ABCA5: variants seen among roughly 807,000 people sequenced by gnomAD.
ABCA5 encodes the protein cholesterol transporter ABCA5.
In ABCA5, 163 loss-of-function variants were observed where a neutral mutation model predicts 206.0. That is an observed-to-expected ratio of 0.79 (90% CI 0.70 to 0.90). ABCA5 has a LOEUF of 0.90. Ranked by LOEUF, ABCA5 falls within the 40% of genes least tolerant of loss-of-function variation. The probability of loss-of-function intolerance (pLI) is 0.00; values close to 1 mark genes in which losing one functional copy is unlikely to be tolerated. For synonymous variants in ABCA5, 609 were observed against 613.8 expected, an observed-to-expected ratio of 0.99 and a Z score of 0.11; for missense variants, 1,859 against 1,912.9, an observed-to-expected ratio of 0.97 and a Z score of 0.53.
intron 28 of ABCA5, among the ~76,000 whole-genome samples, chr17:69,258,283 A>G (rs1001083830): frequency 2.0e-5 from 3 of 152,194 alleles, no homozygotes; most frequent in Non-Finnish European, 4.4e-5. Context: ...GAGTCCATCA[A>G]CAGTTGACTG....
Position 69,323,924 on chromosome 17 carries a change from T to C in ABCA5, c.-16+3128A>G, listed in dbSNP as rs370325516. 5.3e-5 allele frequency among the ~76,000 whole-genome samples: 8 copies of C among 152,346 alleles called. No homozygotes were observed. The East Asian group carries it at 1.5e-3, about 29-fold the overall frequency. The stretch of plus-strand genomic sequence containing the variant: ...TATCTTGTGACATGCAAAAATTATA[T>C]GAAATTCAAATTTCAGTGTCTATAA... On this transcript the variant is annotated intron_variant, in intron 1 of 38. Coordinates refer to ENST00000392676, the MANE Select transcript of ABCA5 (RefSeq NM_172232.4).
chr17:69,305,938 T>C (rs1437591811), intron 6 of ABCA5, among the ~76,000 whole-genome samples: 4 of 152,168 alleles, frequency 2.6e-5, no homozygotes, highest in Non-Finnish European at 5.9e-5. Flanking sequence ...AGGAAATATG[T>C]TATATACAAT....
chr17:69,253,440 T>G (rs2075038864), intron 34 of ABCA5, 133 bp downstream of exon 34: 1 of 510,716 alleles, frequency 2.0e-6, no homozygotes, highest in African/African-American at 1.9e-5. Flanking sequence ...TCTATTTAAT[T>G]TTTAATTACT....
In ABCA5 at chr17:69,255,557, G is replaced by T. The variant is rs775844258; in HGVS notation, c.4054C>A (p.Pro1352Thr). ...IINILVGDIE[P>T]TSGQVFLGDY... is the part of the protein sequence containing the mutation. ...ATATATCATACCTGGCCTGAAGTTG[G>T]TTCAATATCACCAACCAGAATATTA... Residue 1352 changes from proline to threonine, a missense_variant, in exon 31 of 39, where the codon CCA becomes ACA. Transcript: ENST00000392676. 2 of 1,567,090 alleles carry T rather than the reference G, an allele frequency of 1.3e-6. No individual in the cohort carries two copies. Among genetic ancestry groups the T allele is most frequent in the South Asian group, 2.5e-5 (2 of 81,574 alleles).
At chr17:69,255,314 C>G (rs1052010920) in intron 31 of ABCA5, among the ~76,000 whole-genome samples, 34 of 152,098 alleles carry the variant, frequency 2.2e-4, no homozygotes, top group African/African-American at 8.2e-4. Context: ...GTAAGCATTA[C>G]AAAAGCAGAA....
intron 31 of ABCA5, 85 bp downstream of exon 31, chr17:69,255,458 T>C (rs1215157428): frequency 1.2e-6 from 1 of 847,222 alleles, no homozygotes; most frequent in Non-Finnish European, 1.7e-6. Context: ...AAATTGAATA[T>C]AAAATCCGAA....
chr17:69,277,370 G>GAC (rs1390956637), intron 19 of ABCA5, among the ~76,000 whole-genome samples: 3 of 152,048 alleles, frequency 2.0e-5, no homozygotes, highest in African/African-American at 7.2e-5. Flanking sequence ...AAGATACAAT[G>GAC]ACAGTAATTA....
At chr17:69,292,257 C>G (rs182021100) in intron 11 of ABCA5, among the ~76,000 whole-genome samples, 1 of 152,252 alleles carries the variant, frequency 6.6e-6, no homozygotes, top group South Asian at 2.1e-4. Flanking sequence ...GCCCCATGAA[C>G]GTGGTATTTC....
intron 27 of ABCA5, among the ~76,000 whole-genome samples, chr17:69,260,024 T>G (rs2075129075): frequency 6.6e-6 from 1 of 151,936 alleles, no homozygotes; most frequent in Admixed American, 6.6e-5. Context: ...ATTTTCTGCC[T>G]CTGTATCATT....
At chr17:69,311,612 C>T (rs2075770884) in intron 3 of ABCA5, among the ~76,000 whole-genome samples, 2 of 152,124 alleles carry the variant, frequency 1.3e-5, no homozygotes. Context: ...GCCTCAACCT[C>T]CCAAGTAGCT....
intron 24 of ABCA5, 101 bp from the exon 25 acceptor site, chr17:69,261,849 C>A: frequency 2.1e-6 from 1 of 468,758 alleles, no homozygotes; most frequent in Non-Finnish European, 3.7e-6. Context: ...TAATATAATC[C>A]TAAATAAATC....
At position 69,309,398 on chromosome 17, in the gene ABCA5, A is replaced by G; in HGVS notation, c.333T>C (p.Asn111=). 6.3e-7 allele frequency: 1 copy of G among 1,583,452 alleles called. No individual in the cohort carries two copies. The highest frequency in any genetic ancestry group is 8.6e-7 in the Non-Finnish European group (1 of 1,169,554). The change falls in exon 4 of 39, where the codon AAT becomes AAC. Residue 111 remains asparagine (N), a synonymous_variant. Transcript: ENST00000392676. ...PDVIITEEYT[N]EKEMLTSSLS... is the part of the protein sequence containing the mutation. ...GACTGGATGTTAACATTTCTTTTTC[A>G]TTTGTATATTCTTCAGTAATTATGA...
chr17:69,286,066 G>T, intron 16 of ABCA5, 29 bp from the exon 17 acceptor site: 2 of 1,594,052 alleles, frequency 1.3e-6, no homozygotes, highest in South Asian at 2.3e-5. Flanking sequence ...CACAATTAAT[G>T]ATTATACAAT....
rs1208250882 is a variant in ABCA5, at chr17:69,255,287, AC to A, written c.4068+255del. Among the ~76,000 whole-genome samples the A allele has an allele frequency of 2.0e-5, 3 of 152,302 alleles. No individual in the cohort carries two copies. In the East Asian group the frequency reaches 5.8e-4, roughly 29 times the overall value. On this transcript the variant is annotated intron_variant, in intron 31 of 38. Transcript: ENST00000392676. ...AAACTGTCTTCCATTAAGTTGGTAG[AC>A]AAATAACTCACGCATGTAAGCATTA... is the stretch of plus-strand genomic sequence containing the variant.
In ABCA5 at chr17:69,248,273, T is replaced by C; in HGVS notation, c.4810A>G (p.Thr1604Ala). 4 of 1,557,292 alleles carry C rather than the reference T, an allele frequency of 2.6e-6. No individual in the cohort carries two copies. Among genetic ancestry groups the C allele is most frequent in the South Asian group, 1.2e-5 (1 of 86,218 alleles). Reference sequence around the variant, plus strand: ...TAACTTTATAGTACCTGTTCCAATGTTGCTTGAGAAAAGCTATATTCTTCA... The same window carrying C: ...TAACTTTATAGTACCTGTTCCAATGCTGCTTGAGAAAAGCTATATTCTTCA... The part of the protein sequence containing the change: ...AIEEYSFSQA[T>A]LEQVFVELTK... The change falls in exon 38 of 39, where the codon ACA becomes GCA. Residue 1604 changes from threonine to alanine, a missense_variant. Physicochemically the swap from Thr to Ala is moderately conservative, Grantham distance 58. Transcript: ENST00000392676.
At chr17:69,278,859 T>C (rs982231214) in intron 18 of ABCA5, among the ~76,000 whole-genome samples, 150 of 151,650 alleles carry the variant, frequency 9.9e-4, no homozygotes, top group Non-Finnish European at 1.9e-3. Context: ...AAACTCTCAA[T>C]AAATTAGGTA....
intron 1 of ABCA5, among the ~76,000 whole-genome samples, chr17:69,320,777 G>A (rs1223539252): frequency 6.6e-6 from 1 of 152,154 alleles, no homozygotes; most frequent in African/African-American, 2.4e-5. Flanking sequence ...CCAGTCCACA[G>A]TGTCTAAGCA....
intron 3 of ABCA5, among the ~76,000 whole-genome samples, chr17:69,311,027 C>T (rs1465751993): frequency 6.6e-6 from 1 of 152,048 alleles, no homozygotes; most frequent in Non-Finnish European, 1.5e-5. Context: ...AACCCTGTCT[C>T]TACAAAAAAT....
chr17:69,314,360 A>G lies in ABCA5; in HGVS notation c.56T>C (p.Leu19Pro). Residue 19 changes from leucine to proline, a missense_variant, in exon 2 of 39, where the codon CTG (leucine) becomes CCG (proline). Physicochemically the swap from Leu to Pro is moderately conservative, Grantham distance 98. Transcript: ENST00000392676. ...TCTGCATTTAATTAAGTAATTCTTC[A>G]GTAGAAGTGTTCTGGTCTGTCTCCA... ...GVWRQTRTLL[L>P]KNYLIKCRTK... 2 of 1,613,884 alleles carry G rather than the reference A, an allele frequency of 1.2e-6. No homozygotes were observed. Among genetic ancestry groups the G allele is most frequent in the Non-Finnish European group, 8.5e-7 (1 of 1,179,792 alleles).
Sources: gnomAD v4.1 joint callset for allele counts (sites outside exome capture counted in the v4.1 genomes callset) on GRCh38, gnomAD v4.1.1 for gene constraint, MANE v1.5 for transcripts, NCBI Gene and HGNC (gene_info 2026-07-23, HGNC 2026-07-21) for gene names.